The following ZFP1 variants were observed in gnomAD, a reference collection of about 807,000 sequenced individuals.
ZFP1 encodes the protein ZFP1 zinc finger protein.
ZFP1 carries 32 observed loss-of-function variants against 38.5 expected under a neutral mutation model. The ratio of observed to expected loss-of-function variants is 0.83; its 90% CI spans 0.63 to 1.12. The LOEUF (loss-of-function observed/expected upper bound fraction) is 1.12, where lower values mean the gene tolerates loss of function less well. ZFP1 is among the 50% of genes most tolerant of loss of function. The probability of loss-of-function intolerance (pLI) is 0.00; values close to 1 mark genes in which losing one functional copy is unlikely to be tolerated. For missense variants in ZFP1, 616 were observed against 480.8 expected, an observed-to-expected ratio of 1.28 and a Z score of -2.63; for synonymous variants, 245 against 168.8, an observed-to-expected ratio of 1.45 and a Z score of -3.50.
intron 1 of ZFP1, chr16:75,149,254 C>T (rs1249132530): frequency 6.6e-6 from 1 of 152,144 alleles, no homozygotes; most frequent in Non-Finnish European, 1.5e-5. Flanking sequence ...TCTCACAACC[C>T]GGTGGTACTT....
At chr16:75,164,555 G>A (rs1461120479) in intron 2 of ZFP1, among the ~76,000 whole-genome samples, 1 of 151,954 alleles carries the variant, frequency 6.6e-6, no homozygotes, top group Non-Finnish European at 1.5e-5. Context: ...CTTAATTTTG[G>A]TTTTGGTACA....
the ZFP1 span, among the ~76,000 whole-genome samples, chr16:75,120,172 T>C: frequency 1.6e-4 from 25 of 152,316 alleles, no homozygotes; most frequent in Non-Finnish European, 3.1e-4. Flanking sequence ...CATGTGCGTG[T>C]GTGTGTTTGT....
the ZFP1 span, among the ~76,000 whole-genome samples, chr16:75,139,835 T>C: frequency 1.3e-5 from 2 of 152,192 alleles, no homozygotes; most frequent in East Asian, 3.8e-4. Context: ...GTTTCAGTTT[T>C]ACAAGATGAA....
intron 1 of ZFP1, among the ~76,000 whole-genome samples, chr16:75,149,457 G>C (rs533313346): frequency 1.4e-4 from 22 of 152,132 alleles, no homozygotes; most frequent in Non-Finnish European, 2.5e-4. Flanking sequence ...CACGCTCTGC[G>C]TAACAGTGTT....
chr16:75,129,470 A>T, the ZFP1 span, among the ~76,000 whole-genome samples: 1 of 152,214 alleles, frequency 6.6e-6, no homozygotes, highest in Non-Finnish European at 1.5e-5. Context: ...CCTGCCTCCC[A>T]TTCTATTCAA....
At chr16:75,122,778 C>T in the ZFP1 span, among the ~76,000 whole-genome samples, 1 of 152,180 alleles carries the variant, frequency 6.6e-6, no homozygotes, top group East Asian at 1.9e-4. Context: ...TTATAAGTTC[C>T]TCCCAAAGTT....
chr16:75,119,552 G>C, the ZFP1 span: 2 of 152,160 alleles, frequency 1.3e-5, no homozygotes, highest in Non-Finnish European at 2.9e-5. Flanking sequence ...GGATGGTAGA[G>C]AGCAGTCTTC....
Position 75,170,694 on chromosome 16 carries a change from T to C in ZFP1, c.*360T>C, listed in dbSNP as rs887590083. 6.0e-5 allele frequency: 11 copies of C among 182,024 alleles called. No individual in the cohort carries two copies. The highest frequency in any genetic ancestry group is 2.3e-3 in the Middle Eastern group (1 of 440). The allele number at this position is 182,024 out of a possible 1,614,324, so 11.3% of individuals were successfully genotyped here. A position where few individuals can be genotyped will look rare whatever the true frequency, so the allele number is the denominator to read the frequency against. Reference sequence around the variant, plus strand: ...GATATGCCACAAAACACAAGTGGTATGCTTTAGATCTGCACATGTGAATTT... The same window carrying C: ...GATATGCCACAAAACACAAGTGGTACGCTTTAGATCTGCACATGTGAATTT... On this transcript the variant is annotated 3_prime_UTR_variant, in exon 4 of 4. Transcript: ENST00000570010.
upstream of ZFP1, among the ~76,000 whole-genome samples, chr16:75,143,895 C>G (rs1313886312): frequency 6.6e-6 from 1 of 152,090 alleles, no homozygotes; most frequent in Non-Finnish European, 1.5e-5. Flanking sequence ...CTCAAGGGAT[C>G]TGCCTGCCTT....
chr16:75,135,137 G>A, the ZFP1 span, among the ~76,000 whole-genome samples: 1 of 143,232 alleles, frequency 7.0e-6, no homozygotes, highest in African/African-American at 2.6e-5. Context: ...TTGAACCCAG[G>A]AGTTACAGCG....
Position 75,170,701 on chromosome 16 carries a change from G to T in ZFP1, c.*367G>T, listed in dbSNP as rs941879201. 40 of 175,208 alleles carry T rather than the reference G, an allele frequency of 2.3e-4. No individual in the cohort carries two copies. Among genetic ancestry groups the T allele is most frequent in the African/African-American group, 9.4e-4 (40 of 42,394 alleles). The allele number at this position is 175,208 out of a possible 1,614,324, so 10.9% of individuals were successfully genotyped here. On this transcript the variant is annotated 3_prime_UTR_variant, in exon 4 of 4. Coordinates refer to ENST00000570010, the MANE Select transcript of ZFP1 (RefSeq NM_153688.4). ...CACAAAACACAAGTGGTATGCTTTA[G>T]ATCTGCACATGTGAATTTAGCATAA...
chr16:75,152,833 C>T (rs917331220), intron 1 of ZFP1, 76 bp from the exon 2 acceptor site: 1 of 1,418,622 alleles, frequency 7.0e-7, no homozygotes, highest in Non-Finnish European at 9.7e-7. Flanking sequence ...CTAGGGGTTT[C>T]TAAACAAGTC....
chr16:75,121,283 G>A, the ZFP1 span, among the ~76,000 whole-genome samples: 5 of 150,348 alleles, frequency 3.3e-5, no homozygotes, highest in Admixed American at 1.3e-4. Context: ...CCACCACCAC[G>A]CCCAGCTAAT....
the ZFP1 span, chr16:75,126,388 T>TC: frequency 6.6e-6 from 1 of 152,052 alleles, no homozygotes; most frequent in East Asian, 1.9e-4. Context: ...GACCTCATGA[T>TC]CTGCCCACCT....
intron 1 of ZFP1, among the ~76,000 whole-genome samples, chr16:75,150,383 ATTTTTTT>A (rs35210179): frequency 6.7e-6 from 1 of 149,148 alleles, no homozygotes; most frequent in East Asian, 2.0e-4. Context: ...TAATTTTTTT[ATTTTTTT>A]TTGTATTTTT....
chr16:75,171,048 G>T lies in ZFP1; in HGVS notation c.*714G>T, dbSNP rs28497401. On this transcript the variant is annotated 3_prime_UTR_variant, in exon 4 of 4. Transcript: ENST00000570010. Reference sequence around the variant, plus strand: ...AAATGTGAAATAACCGATCTATAACGTGAAGGAGGCAGACATGAGCTGTAC... The same window carrying T: ...AAATGTGAAATAACCGATCTATAACTTGAAGGAGGCAGACATGAGCTGTAC... 7.5e-5 allele frequency: 6 copies of T among 80,334 alleles called. No homozygotes were observed. Among genetic ancestry groups the T allele is most frequent in the African/African-American group, 1.9e-4 (6 of 32,210 alleles). 5.0% of individuals were successfully genotyped at this position (80,334 alleles called of 1,614,324 possible). A position where few individuals can be genotyped will look rare whatever the true frequency, so the allele number is the denominator to read the frequency against.
intron 2 of ZFP1, among the ~76,000 whole-genome samples, chr16:75,160,489 T>C (rs2037710345): frequency 6.6e-6 from 1 of 151,822 alleles, no homozygotes; most frequent in South Asian, 2.1e-4. Flanking sequence ...CTAAACCCCA[T>C]CTGTACTAAA....
chr16:75,149,714 G>A (rs553788576), intron 1 of ZFP1, among the ~76,000 whole-genome samples: 3 of 151,590 alleles, frequency 2.0e-5, no homozygotes, highest in Non-Finnish European at 4.4e-5. Flanking sequence ...GTGAGCCACC[G>A]CGTCCGGCCA....
At chr16:75,154,581 T>G (rs975255245) in intron 2 of ZFP1, among the ~76,000 whole-genome samples, 16 of 151,318 alleles carry the variant, frequency 1.1e-4, no homozygotes, top group Non-Finnish European at 2.2e-4. Context: ...GAGTTTTTTT[T>G]TTTTTTTTTT....
Sources: gnomAD v4.1 joint callset for allele counts (sites outside exome capture counted in the v4.1 genomes callset) on GRCh38, gnomAD v4.1.1 for gene constraint, MANE v1.5 for transcripts, NCBI Gene and HGNC (gene_info 2026-07-23, HGNC 2026-07-21) for gene names.